Variants in FAM76A observed in about 807,000 individuals in gnomAD.
FAM76A encodes the protein protein FAM76A.
A neutral mutation model predicts 46.2 loss-of-function variants in FAM76A; 32 were observed. That is an observed-to-expected ratio of 0.69 (90% CI 0.52 to 0.93). The LOEUF (loss-of-function observed/expected upper bound fraction) is 0.93, where lower values mean the gene tolerates loss of function less well. FAM76A is among the 40% of genes least tolerant of loss of function. The pLI is 0.00. For missense variants in FAM76A, 274 were observed against 361.5 expected (o/e 0.76, Z 1.96); for synonymous variants, 137 against 127.0 (o/e 1.08, Z -0.53).
At chr1:27,747,307 A>T (rs1219040306) in intron 5 of FAM76A, among the ~76,000 whole-genome samples, 1 of 152,220 alleles carries the variant, frequency 6.6e-6, no homozygotes, top group African/African-American at 2.4e-5. Context: ...GGAACTCTAC[A>T]AGCATTCAGT....
intron 5 of FAM76A, among the ~76,000 whole-genome samples, chr1:27,746,574 A>G (rs929728677): frequency 6.6e-6 from 1 of 151,918 alleles, no homozygotes; most frequent in African/African-American, 2.4e-5. Flanking sequence ...AAAAAATACA[A>G]AAAGTGGCCA....
At chr1:27,741,234 G>A (rs1488662244) in intron 4 of FAM76A, among the ~76,000 whole-genome samples, 1 of 120,030 alleles carries the variant, frequency 8.3e-6, no homozygotes. Flanking sequence ...GTCTCACTCT[G>A]TCATCCAGGC....
At chr1:27,731,533 G>A (rs1275656461) in intron 2 of FAM76A, among the ~76,000 whole-genome samples, 7 of 152,048 alleles carry the variant, frequency 4.6e-5, no homozygotes, top group Non-Finnish European at 1.5e-5. Flanking sequence ...TTTGATCATA[G>A]TGTCTTTTTC....
At position 27,755,434 on chromosome 1, in the gene FAM76A, A is replaced by G. The variant is rs1377029743; in HGVS notation, c.735+104A>G. 129 of 1,438,864 alleles carry G rather than the reference A, an allele frequency of 9.0e-5. 1 individual carries two copies. The South Asian group carries it at 1.2e-3, about 13-fold the overall frequency. 89.1% of individuals were successfully genotyped at this position (1,438,864 alleles called of 1,614,324 possible). A position where few individuals can be genotyped will look rare whatever the true frequency, so the allele number is the denominator to read the frequency against. On this transcript the variant is annotated intron_variant, in intron 7 of 8. Transcript: ENST00000373954. ...TTTAACTGATGTTTGTTGAGAGCCT[A>G]TGTCAAGGTTGGGATATCCTGGGGA...
intron 2 of FAM76A, among the ~76,000 whole-genome samples, chr1:27,728,497 T>C (rs2087900859): frequency 1.3e-5 from 2 of 151,544 alleles, no homozygotes; most frequent in South Asian, 2.1e-4. Flanking sequence ...GGACCACAGG[T>C]GTGTGCCACC....
chr1:27,755,354 T>G (rs1295210172), intron 7 of FAM76A, 24 bp downstream of exon 7: 1 of 1,613,298 alleles, frequency 6.2e-7, no homozygotes, highest in Admixed American at 1.7e-5. Flanking sequence ...AATTCCTCTC[T>G]GACCAGAATG....
At chr1:27,741,799 C>G (rs992200969) in intron 4 of FAM76A, among the ~76,000 whole-genome samples, 9 of 151,384 alleles carry the variant, frequency 5.9e-5, no homozygotes, top group African/African-American at 2.2e-4. Flanking sequence ...AGGAGAATTG[C>G]TTGAACCCAG....
intron 8 of FAM76A, chr1:27,760,290 A>G: frequency 2.3e-6 from 1 of 440,812 alleles, no homozygotes; most frequent in Non-Finnish European, 4.3e-6. Flanking sequence ...AGATTGAGGT[A>G]CACTGATTAA....
chr1:27,740,665 C>T (rs564973990), intron 4 of FAM76A: 89 of 527,106 alleles, frequency 1.7e-4, no homozygotes, highest in African/African-American at 1.5e-3. Context: ...CTCGTGAGAT[C>T]TCCTTTTTAC....
intron 4 of FAM76A, among the ~76,000 whole-genome samples, chr1:27,742,699 G>C (rs2088174848): frequency 6.6e-6 from 1 of 152,138 alleles, no homozygotes; most frequent in Non-Finnish European, 1.5e-5. Context: ...TAAAATTATA[G>C]TTGAAATTAT....
chr1:27,726,021 G>A lies in FAM76A; in HGVS notation c.-60G>A. 4 of 1,232,212 alleles carry A rather than the reference G, an allele frequency of 3.2e-6. No individual in the cohort carries two copies. Among genetic ancestry groups the A allele is most frequent in the Non-Finnish European group, 4.1e-6 (4 of 979,728 alleles). The allele number at this position is 1,232,212 out of a possible 1,614,324, so 76.3% of individuals were successfully genotyped here. A position where few individuals can be genotyped will look rare whatever the true frequency, so the allele number is the denominator to read the frequency against. On this transcript the variant is annotated 5_prime_UTR_variant, in exon 1 of 9. Transcript: ENST00000373954. ...GCAGCCGCCGCCGGGTTGTGCCTCA[G>A]ACTGTCAGATAAATCGGCGGGCCGG... is the stretch of plus-strand genomic sequence containing the variant.
intron 6 of FAM76A, among the ~76,000 whole-genome samples, chr1:27,749,965 C>G (rs1203684165): frequency 2.0e-5 from 3 of 152,188 alleles, no homozygotes; most frequent in Non-Finnish European, 4.4e-5. Flanking sequence ...TTGTGAGCTG[C>G]TTGGGTCCTA....
intron 4 of FAM76A, among the ~76,000 whole-genome samples, chr1:27,735,420 G>T (rs546276670): frequency 6.6e-5 from 10 of 152,250 alleles, no homozygotes; most frequent in African/African-American, 2.2e-4. Flanking sequence ...CATAGTAGCT[G>T]CTCAATAAGT....
At chr1:27,736,827 G>A (rs2088054923) in intron 4 of FAM76A, among the ~76,000 whole-genome samples, 1 of 152,022 alleles carries the variant, frequency 6.6e-6, no homozygotes, top group Non-Finnish European at 1.5e-5. Context: ...TGGCCAGGCT[G>A]GTCTCGAACT....
At chr1:27,728,870 A>G (rs1486320006) in intron 2 of FAM76A, among the ~76,000 whole-genome samples, 1 of 152,014 alleles carries the variant, frequency 6.6e-6, no homozygotes, top group Non-Finnish European at 1.5e-5. Flanking sequence ...GGGCTGAGGC[A>G]GGAGAATTGC....
intron 2 of FAM76A, among the ~76,000 whole-genome samples, chr1:27,731,144 C>G (rs1459138652): frequency 6.7e-6 from 1 of 149,474 alleles, no homozygotes; most frequent in Non-Finnish European, 1.5e-5. Context: ...TGGATCTTCA[C>G]AAGGCAAAGG....
chr1:27,756,804 A>G lies in FAM76A; in HGVS notation c.735+1474A>G, dbSNP rs536188608. On this transcript the variant is annotated intron_variant, in intron 7 of 8. Coordinates refer to ENST00000373954, the MANE Select transcript of FAM76A (RefSeq NM_152660.3). ...GCTGGGCACACTGGCTCACACCTGTAATCCCAACACTTTGGGAGGCTGAAG... is the reference window on the plus strand; with the variant it reads ...GCTGGGCACACTGGCTCACACCTGTGATCCCAACACTTTGGGAGGCTGAAG... Among the ~76,000 whole-genome samples the G allele has an allele frequency of 7.3e-5, 11 of 149,928 alleles. No individual in the cohort carries two copies. In the South Asian group the frequency reaches 2.2e-3, roughly 31 times the overall value.
chr1:27,732,778 CTG>C (rs2087981859), intron 3 of FAM76A, 121 bp downstream of exon 3: 1 of 627,416 alleles, frequency 1.6e-6, no homozygotes, highest in Non-Finnish European at 2.6e-6. Context: ...TGTAATATAT[CTG>C]ATACTGATTT....
Position 27,763,033 on chromosome 1 carries a change from TAATG to T in FAM76A, c.*2453_*2456del, listed in dbSNP as rs531994078. On this transcript the variant is annotated 3_prime_UTR_variant, in exon 9 of 9. Coordinates refer to ENST00000373954, the MANE Select transcript of FAM76A (RefSeq NM_152660.3). ...CTTTTGTTTCTTTGTATGTTTGTAA[TAATG>T]GACATTTTAAAACACAGGAATGTTT... 13 of 152,236 alleles carry T rather than the reference TAATG, an allele frequency of 8.5e-5. No individual in the cohort carries two copies. The highest frequency in any genetic ancestry group is 1.3e-4 in the Non-Finnish European group (9 of 68,040). The allele number at this position is 152,236 out of a possible 1,614,324, so 9.4% of individuals were successfully genotyped here. A position where few individuals can be genotyped will look rare whatever the true frequency, so the allele number is the denominator to read the frequency against.
Sources: gnomAD v4.1 joint callset for allele counts (sites outside exome capture counted in the v4.1 genomes callset) on GRCh38, gnomAD v4.1.1 for gene constraint, MANE v1.5 for transcripts, NCBI Gene and HGNC (gene_info 2026-07-23, HGNC 2026-07-21) for gene names.